The following IPMK variants were observed in gnomAD, a reference collection of about 807,000 sequenced individuals.
The protein encoded by IPMK is inositol 1,3,4,6-tetrakisphosphate 5-kinase.
A neutral mutation model predicts 45.8 loss-of-function variants in IPMK; 17 were observed. The observed-to-expected ratio is 0.37, with a 90% CI of 0.25 to 0.56. The LOEUF (loss-of-function observed/expected upper bound fraction) is 0.56, where lower values mean the gene tolerates loss of function less well. Ranked by LOEUF, IPMK falls within the 20% of genes least tolerant of loss-of-function variation. The pLI is 0.79. For synonymous variants in IPMK, 180 were observed against 184.3 expected, an observed-to-expected ratio of 0.98 and a Z score of 0.19; for missense variants, 399 against 498.0, an observed-to-expected ratio of 0.80 and a Z score of 1.89.
chr10:58,228,154 C>T (rs1265051786), intron 2 of IPMK, among the ~76,000 whole-genome samples: 3 of 152,186 alleles, frequency 2.0e-5, no homozygotes, highest in Admixed American at 6.5e-5. Context: ...CTGAACGTCC[C>T]TCTATTCCTA....
chr10:58,237,208 A>C (rs1999997), intron 2 of IPMK, among the ~76,000 whole-genome samples: 51,446 of 152,006 alleles, frequency 0.34, 10,955 homozygotes, highest in African/African-American at 0.61. Flanking sequence ...TACAAGACAC[A>C]AACAAGAGAC....
intron 4 of IPMK, among the ~76,000 whole-genome samples, chr10:58,214,083 C>T (rs2590305): frequency 0.34 from 51,326 of 151,968 alleles, 10,876 homozygotes; most frequent in African/African-American, 0.6. Flanking sequence ...AAAAACTTGA[C>T]AGTGATTTGA....
At chr10:58,235,161 GA>G (rs1838591047) in intron 2 of IPMK, among the ~76,000 whole-genome samples, 2 of 152,140 alleles carry the variant, frequency 1.3e-5, no homozygotes, top group African/African-American at 4.8e-5. Context: ...AAAAAGTCAG[GA>G]AACAACAGAT....
chr10:58,211,387 T>C (rs1032975294), intron 4 of IPMK, among the ~76,000 whole-genome samples: 3 of 151,976 alleles, frequency 2.0e-5, no homozygotes, highest in African/African-American at 7.2e-5. Flanking sequence ...GAGACAGGGT[T>C]TCGTCATGTT....
At chr10:58,221,189 C>T (rs897762278) in intron 3 of IPMK, among the ~76,000 whole-genome samples, 1 of 152,136 alleles carries the variant, frequency 6.6e-6, no homozygotes, top group East Asian at 1.9e-4. Flanking sequence ...TAAAGTAACT[C>T]TCTTTTGCAT....
intron 1 of IPMK, among the ~76,000 whole-genome samples, chr10:58,255,643 A>T (rs1226841691): frequency 5.3e-5 from 8 of 151,134 alleles, no homozygotes; most frequent in African/African-American, 1.9e-4. Flanking sequence ...GGTAATTTAT[A>T]TTTCTTTTTT....
chr10:58,248,688 A>G (rs949062426), intron 1 of IPMK, among the ~76,000 whole-genome samples: 12 of 152,116 alleles, frequency 7.9e-5, no homozygotes, highest in African/African-American at 2.9e-4. Flanking sequence ...ACCTCTCTTC[A>G]TTCCTCCCAA....
Position 58,196,188 on chromosome 10 carries a change from T to G in IPMK, c.1139A>C (p.Glu380Ala). ...ATGAGCAAAATCTATCATTCGCACTTCTACTTCAGCAATCTCTTGGCAACC... is the reference window on the plus strand; with the variant it reads ...ATGAGCAAAATCTATCATTCGCACTGCTACTTCAGCAATCTCTTGGCAACC... The part of the protein sequence containing the change: ...PTGCQEIAEV[E>A]VRMIDFAHVF... Residue 380 changes from glutamate to alanine, a missense_variant, in exon 6 of 6, where the codon GAA (glutamate) becomes GCA (alanine). Around this residue, in one of 2 missense-constraint regions of IPMK, gnomAD observed 288 missense variants for 398.0 expected, o/e 0.72. Coordinates refer to ENST00000373935, the MANE Select transcript of IPMK (RefSeq NM_152230.5). 6.2e-7 allele frequency: 1 copy of G among 1,614,160 alleles called. No individual in the cohort carries two copies. The highest frequency in any genetic ancestry group is 8.5e-7 in the Non-Finnish European group (1 of 1,179,998).
intron 5 of IPMK, among the ~76,000 whole-genome samples, chr10:58,197,911 C>A (rs535509629): frequency 6.6e-6 from 1 of 151,262 alleles, no homozygotes; most frequent in East Asian, 2.0e-4. Context: ...TGCCTGTAGT[C>A]CCAGCTACTT....
At chr10:58,237,880 A>G (rs943963536) in intron 1 of IPMK, 66 bp from the exon 2 acceptor site, 13 of 1,185,438 alleles carry the variant, frequency 1.1e-5, no homozygotes, top group Non-Finnish European at 1.5e-5. Flanking sequence ...CATTAAATAG[A>G]TTAGTTCCTG....
chr10:58,209,957 G>A (rs1211980355), intron 4 of IPMK, among the ~76,000 whole-genome samples: 1 of 152,120 alleles, frequency 6.6e-6, no homozygotes, highest in Non-Finnish European at 1.5e-5. Context: ...TTGGCAAGGG[G>A]GAATTATTCT....
intron 2 of IPMK, among the ~76,000 whole-genome samples, chr10:58,228,612 C>A (rs1288971727): frequency 1.3e-5 from 2 of 152,338 alleles, no homozygotes; most frequent in East Asian, 3.9e-4. Context: ...CAGCTCACTG[C>A]AAGCTCTGCC....
chr10:58,244,082 CGTCTCT>C (rs1838748023), intron 1 of IPMK, among the ~76,000 whole-genome samples: 1 of 150,504 alleles, frequency 6.6e-6, no homozygotes. Flanking sequence ...AGGTGGGGAA[CGTCTCT>C]GCCCGGCCGC....
intron 4 of IPMK, among the ~76,000 whole-genome samples, chr10:58,210,119 TG>T (rs1165079428): frequency 6.6e-6 from 1 of 150,704 alleles, no homozygotes; most frequent in South Asian, 2.1e-4. Flanking sequence ...CTGTGGGGGA[TG>T]GGGGGTGGTT....
At position 58,267,733 on chromosome 10, in the gene IPMK, G is replaced by A. The variant is rs1839175477; in HGVS notation, c.-122C>T. The stretch of plus-strand genomic sequence containing the variant: ...GCGAGGAGGCCCGGGGGTTCCCGCG[G>A]CTGGTGCCCTCTGAAGCGCGGGGAG... On this transcript the variant is annotated 5_prime_UTR_variant, in exon 1 of 6. Transcript: ENST00000373935. 6.2e-6 allele frequency: 4 copies of A among 642,706 alleles called. No homozygotes were observed. Among genetic ancestry groups the A allele is most frequent in the Admixed American group, 5.4e-5 (2 of 37,234 alleles). The allele number at this position is 642,706 out of a possible 1,614,324, so 39.8% of individuals were successfully genotyped here.
In IPMK at chr10:58,226,004, A is replaced by G. The variant is rs538836471; in HGVS notation, c.373+1039T>C. Among the ~76,000 whole-genome samples the G allele has an allele frequency of 3.9e-4, 59 of 152,312 alleles. 2 individuals carry two copies. Among genetic ancestry groups the G allele is most frequent in the African/African-American group, 1.3e-3 (56 of 41,592 alleles). On this transcript the variant is annotated intron_variant, in intron 3 of 5. Coordinates refer to ENST00000373935, the MANE Select transcript of IPMK (RefSeq NM_152230.5). The stretch of plus-strand genomic sequence containing the variant: ...ACCTGTAAGCCCACAAAAAAGAAGG[A>G]AGGAATTAAGGGAGGAAGGAAAAAA...
At position 58,194,042 on chromosome 10, in the gene IPMK, AG is replaced by A. The variant is rs943798725; in HGVS notation, c.*2033del. The A allele has an allele frequency of 6.6e-6, 1 of 152,022 alleles. No homozygotes were observed. Among genetic ancestry groups the A allele is most frequent in the Non-Finnish European group, 1.5e-5 (1 of 67,752 alleles). The allele number at this position is 152,022 out of a possible 1,614,324, so 9.4% of individuals were successfully genotyped here. On this transcript the variant is annotated 3_prime_UTR_variant, in exon 6 of 6. Transcript: ENST00000373935. ...CAAAACATGATCTATTGTATCAAAA[AG>A]GTAAGACATTGATTTTACAAAATTG...
At chr10:58,267,061 C>G (rs1169775718) in intron 1 of IPMK, among the ~76,000 whole-genome samples, 1 of 152,226 alleles carries the variant, frequency 6.6e-6, no homozygotes, top group African/African-American at 2.4e-5. Context: ...CTATAATAAA[C>G]AGACCTTGTG....
At chr10:58,247,186 AAC>A (rs1838814322) in intron 1 of IPMK, among the ~76,000 whole-genome samples, 1 of 147,712 alleles carries the variant, frequency 6.8e-6, no homozygotes, top group South Asian at 2.1e-4. Flanking sequence ...GAGAAATAGG[AAC>A]ACTTTTACAC....
Sources: gnomAD v4.1 joint callset for allele counts (sites outside exome capture counted in the v4.1 genomes callset) on GRCh38, gnomAD v4.1.1 for gene constraint, gnomAD v4.1.1 regional missense constraint, MANE v1.5 for transcripts, NCBI Gene and HGNC (gene_info 2026-07-23, HGNC 2026-07-21) for gene names.